Variants in PHACTR1 observed in about 807,000 individuals in gnomAD.
The protein encoded by PHACTR1 is phosphatase and actin regulator 1.
In PHACTR1, 16 loss-of-function variants were observed where a neutral mutation model predicts 69.2. The observed-to-expected ratio is 0.23, with a 90% CI of 0.16 to 0.35. PHACTR1 has a LOEUF of 0.35. PHACTR1 is among the 10% of genes least tolerant of loss of function. The pLI is 1.00. For synonymous variants in PHACTR1, 312 were observed against 284.5 expected (o/e 1.10, Z -0.97); for missense variants, 510 against 734.7 (o/e 0.69, Z 3.54).
At chr6:13,017,306 A>T (rs76317844) in intron 4 of PHACTR1, among the ~76,000 whole-genome samples, 1 of 151,906 alleles carries the variant, frequency 6.6e-6, no homozygotes, top group South Asian at 2.1e-4. Flanking sequence ...AATGTGGAAC[A>T]TTAGGTATTG....
At chr6:13,187,912 G>A (rs1029179282) in intron 7 of PHACTR1, among the ~76,000 whole-genome samples, 15 of 152,178 alleles carry the variant, frequency 9.9e-5, no homozygotes, top group African/African-American at 3.6e-4. Context: ...CTTAACTGAC[G>A]ACACCTCTGA....
intron 5 of PHACTR1, among the ~76,000 whole-genome samples, chr6:13,131,192 C>T (rs2327677): frequency 0.01 from 1,401 of 133,632 alleles, 35 homozygotes; most frequent in African/African-American, 0.04. Context: ...CACACACACA[C>T]ATATATATAT....
At chr6:13,003,958 T>TATATATATATAC (rs1315526999) in intron 4 of PHACTR1, among the ~76,000 whole-genome samples, 2 of 108,512 alleles carry the variant, frequency 1.8e-5, no homozygotes, top group African/African-American at 9.8e-5. Flanking sequence ...TTCCTATATA[T>TATATATATATAC]ATATATGTAT....
chr6:13,160,121 C>T, intron 5 of PHACTR1, 83 bp from the exon 6 acceptor site: 1 of 1,152,572 alleles, frequency 8.7e-7, no homozygotes, highest in Non-Finnish European at 1.3e-6. Context: ...TGTTACATTG[C>T]CATATGTGTT....
Position 13,287,171 on chromosome 6 carries a change from G to A in PHACTR1, c.*93G>A. 3.2e-6 allele frequency: 4 copies of A among 1,237,182 alleles called. No individual in the cohort carries two copies. The highest frequency in any genetic ancestry group is 4.5e-6 in the Non-Finnish European group (4 of 881,456). 76.6% of individuals were successfully genotyped at this position (1,237,182 alleles called of 1,614,324 possible). ...TATTTATTCACTTCCCCATTACGAT[G>A]TAAATCTTCTGAACTGCCTTTTTTT... On this transcript the variant is annotated 3_prime_UTR_variant, in exon 15 of 15. Transcript: ENST00000332995.
At chr6:12,902,556 C>T (rs1365039317) in intron 4 of PHACTR1, among the ~76,000 whole-genome samples, 3 of 152,188 alleles carry the variant, frequency 2.0e-5, no homozygotes, top group Admixed American at 2.0e-4. Context: ...CTCGGGTAAA[C>T]ATAGTGTCAG....
intron 4 of PHACTR1, among the ~76,000 whole-genome samples, chr6:13,029,301 T>TA (rs1273237112): frequency 2.6e-5 from 4 of 152,200 alleles, no homozygotes; most frequent in Admixed American, 1.3e-4. Context: ...ATGCCCTGCA[T>TA]AAAGTAACGG....
intron 10 of PHACTR1, among the ~76,000 whole-genome samples, chr6:13,259,669 T>C (rs1775644618): frequency 6.6e-6 from 1 of 152,188 alleles, no homozygotes; most frequent in Non-Finnish European, 1.5e-5. Flanking sequence ...CCATTTGTCA[T>C]ATAGTGAAAT....
At chr6:13,083,196 TA>T (rs1302702463) in intron 5 of PHACTR1, among the ~76,000 whole-genome samples, 9 of 152,212 alleles carry the variant, frequency 5.9e-5, no homozygotes, top group African/African-American at 1.9e-4. Flanking sequence ...ATTTATTAAA[TA>T]GGGAATCCTT....
chr6:13,229,985 G>C (rs1770555795), intron 9 of PHACTR1, 52 bp from the exon 10 acceptor site: 1 of 1,521,674 alleles, frequency 6.6e-7, no homozygotes, highest in Admixed American at 2.1e-5. Flanking sequence ...TGGCCCTGTG[G>C]GAGCCCAGGC....
chr6:13,215,718 G>A (rs909796533), intron 8 of PHACTR1, among the ~76,000 whole-genome samples: 3 of 152,188 alleles, frequency 2.0e-5, no homozygotes, highest in Admixed American at 6.5e-5. Context: ...CGGATCAGCT[G>A]CTAAGGACAT....
intron 4 of PHACTR1, among the ~76,000 whole-genome samples, chr6:12,955,192 C>CTTTTTTTTTTTT (rs1161324144): frequency 0.014 from 1,403 of 103,134 alleles, 79 homozygotes; most frequent in Middle Eastern, 0.028. Context: ...TGTATTTCCT[C>CTTTTTTTTTTTT]TTTTTTTTTT....
chr6:13,179,522 T>A lies in PHACTR1; in HGVS notation c.497-2997T>A, dbSNP rs13200409. On this transcript the variant is annotated intron_variant, in intron 6 of 14. Coordinates refer to ENST00000332995, the MANE Select transcript of PHACTR1 (RefSeq NM_030948.6). The surrounding 1 kb of genome is among the most constrained non-coding windows in gnomAD (Gnocchi z 4.2). ...TACTCCATCCTTAAATGAATCCAAG[T>A]AAAATAGTTTTTACTTTTATTGCTA... Among the ~76,000 whole-genome samples the A allele has an allele frequency of 0.24, 36,564 of 151,534 alleles. 5,359 individuals carry two copies. The highest frequency in any genetic ancestry group is 0.36 in the Admixed American group (5,435 of 15,192).
chr6:12,787,625 T>C (rs1215532411), intron 4 of PHACTR1, among the ~76,000 whole-genome samples: 3 of 152,196 alleles, frequency 2.0e-5, no homozygotes, highest in African/African-American at 4.8e-5. Context: ...TGATTTGCAG[T>C]TGAGCTCCTG....
intron 4 of PHACTR1, among the ~76,000 whole-genome samples, chr6:12,882,946 C>A (rs1272860713): frequency 6.6e-6 from 1 of 152,168 alleles, no homozygotes; most frequent in Admixed American, 6.5e-5. Flanking sequence ...AATGGGGCTC[C>A]AGCACCTTCC....
rs1584456093 is a variant in PHACTR1 at position 13,283,180 on chromosome 6, T to A, written c.1510-242T>A. ...GTTTAAAAAAAAAAAGAGCTTGGCCTAGAGGGTATGTAAGGGATAACAAAG... is the reference window on the plus strand; with the variant it reads ...GTTTAAAAAAAAAAAGAGCTTGGCCAAGAGGGTATGTAAGGGATAACAAAG... On this transcript the variant is annotated intron_variant, in intron 12 of 14. Transcript: ENST00000332995. The surrounding 1 kb of genome is among the most constrained non-coding windows in gnomAD (Gnocchi z 4.7). 2.6e-6 allele frequency: 1 copy of A among 383,526 alleles called. No homozygotes were observed. 23.8% of individuals were successfully genotyped at this position (383,526 alleles called of 1,614,324 possible).
chr6:12,877,120 C>T (rs1357161875), intron 4 of PHACTR1, among the ~76,000 whole-genome samples: 2 of 152,174 alleles, frequency 1.3e-5, no homozygotes, highest in Non-Finnish European at 2.9e-5. Context: ...CCCTCACAGA[C>T]ACATGTAGAA....
chr6:12,777,530 T>G (rs1245885151), intron 4 of PHACTR1, among the ~76,000 whole-genome samples: 1 of 152,062 alleles, frequency 6.6e-6, no homozygotes, highest in African/African-American at 2.4e-5. Context: ...GATGATGGCC[T>G]TCATCTTTAT....
intron 10 of PHACTR1, among the ~76,000 whole-genome samples, chr6:13,237,099 T>C (rs1174945132): frequency 1.3e-5 from 2 of 152,220 alleles, no homozygotes; most frequent in Non-Finnish European, 2.9e-5. Context: ...TTTATAGGAC[T>C]GGCACAGTGG....
Sources: allele counts gnomAD v4.1 joint callset (sites outside exome capture counted in the v4.1 genomes callset), GRCh38; gene constraint gnomAD v4.1.1; non-coding constraint Gnocchi (gnomAD v3.1); transcripts MANE v1.5; gene names NCBI Gene and HGNC (gene_info 2026-07-23, HGNC 2026-07-21).